MRS2: variants seen among roughly 807,000 people sequenced by gnomAD.
MRS2 encodes magnesium transporter MRS2 homolog, mitochondrial.
MRS2 carries 40 observed loss-of-function variants against 52.6 expected under a neutral mutation model. That is an observed-to-expected ratio of 0.76 (90% CI 0.59 to 0.99). MRS2 has a LOEUF of 0.99. Among genes scored for constraint, MRS2 ranks in the 50% least tolerant of loss-of-function variants. MRS2 has a pLI of 0.00. For missense variants in MRS2, 472 were observed against 532.7 expected, an observed-to-expected ratio of 0.89 and a Z score of 1.12; for synonymous variants, 193 against 195.9, an observed-to-expected ratio of 0.98 and a Z score of 0.13.
chr6:24,415,059 C>G lies in MRS2; in HGVS notation c.615C>G (p.Ser205Arg). The change falls in exon 6 of 11, where the codon AGC becomes AGG. Residue 205 changes from serine (S) to arginine (R), a missense_variant. Coordinates refer to ENST00000378386, the MANE Select transcript of MRS2 (RefSeq NM_020662.4). ...TCAACACCCTTCAGGGGAAACTTAG[C>G]ATTTTGCAGCCACTGATCCTTGAGA... Reference protein sequence around the residue: ...YWINTLQGKLSILQPLILETL... With the variant: ...YWINTLQGKLRILQPLILETL... 1 of 1,610,716 alleles carries G rather than the reference C, an allele frequency of 6.2e-7. No homozygotes were observed. The highest frequency in any genetic ancestry group is 8.5e-7 in the Non-Finnish European group (1 of 1,177,460).
chr6:24,422,113 GGACTCCATCCTGGGTGAAGAGCAA>G (rs1487692493), intron 9 of MRS2, among the ~76,000 whole-genome samples: 2 of 152,256 alleles, frequency 1.3e-5, no homozygotes, highest in African/African-American at 4.8e-5. Flanking sequence ...TTGAGCCACT[GGACTCCATCCTGGGTGAAGAGCAA>G]GACTCCATCT....
At chr6:24,414,693 C>T (rs1485315487) in intron 5 of MRS2, among the ~76,000 whole-genome samples, 2 of 152,166 alleles carry the variant, frequency 1.3e-5, no homozygotes, top group Non-Finnish European at 2.9e-5. Context: ...GGCGGCTGGG[C>T]AGAGGGGCTC....
chr6:24,423,190 C>G (rs1372802781), intron 10 of MRS2, 140 bp downstream of exon 10: 1 of 647,946 alleles, frequency 1.5e-6, no homozygotes, highest in African/African-American at 1.8e-5. Flanking sequence ...GTTTCCCTAT[C>G]TGTCAGTTAA....
chr6:24,408,757 CTT>C (rs1393896976), intron 3 of MRS2, among the ~76,000 whole-genome samples: 6 of 152,160 alleles, frequency 3.9e-5, no homozygotes, highest in African/African-American at 1.2e-4. Context: ...TTTTGTCTCT[CTT>C]GTTGGCGTCC....
At chr6:24,409,982 A>G (rs1226366276) in intron 4 of MRS2, among the ~76,000 whole-genome samples, 1 of 151,916 alleles carries the variant, frequency 6.6e-6, no homozygotes, top group African/African-American at 2.4e-5. Context: ...TAGACATTAA[A>G]TTTTATAGCC....
In MRS2 at chr6:24,425,311, C is replaced by G. The variant is rs1762196220; in HGVS notation, c.*1617C>G. 6.6e-6 allele frequency: 1 copy of G among 152,138 alleles called. No homozygotes were observed. Among genetic ancestry groups the G allele is most frequent in the Admixed American group, 6.6e-5 (1 of 15,258 alleles). The allele number at this position is 152,138 out of a possible 1,614,324, so 9.4% of individuals were successfully genotyped here. A position where few individuals can be genotyped will look rare whatever the true frequency, so the allele number is the denominator to read the frequency against. Reference sequence around the variant, plus strand: ...AACATTTGATTTGACTAAGATCAGGCATAAGATAGAATTTTTGTCATTTTT... The same window carrying G: ...AACATTTGATTTGACTAAGATCAGGGATAAGATAGAATTTTTGTCATTTTT... On this transcript the variant is annotated 3_prime_UTR_variant, in exon 11 of 11. Coordinates refer to ENST00000378386, the MANE Select transcript of MRS2 (RefSeq NM_020662.4).
chr6:24,422,328 TTC>T (rs910493773), intron 9 of MRS2, among the ~76,000 whole-genome samples: 15 of 152,118 alleles, frequency 9.9e-5, no homozygotes, highest in Admixed American at 9.8e-4. Context: ...TAAATTTAAA[TTC>T]TGTGATTCTG....
In MRS2 at chr6:24,416,460, GGAA is replaced by G. The variant is rs1235279147; in HGVS notation, c.786_788del (p.Glu263del). On this transcript the variant is annotated inframe_deletion, in exon 7 of 11. Transcript: ENST00000378386. ...AGTCAATTTTGGAGATCTTGGATGA[GGAA>G]GAGTTGCTAGAAGAGCTCTGTGTAT... 6.2e-7 allele frequency: 1 copy of G among 1,606,986 alleles called. No homozygotes were observed. Among genetic ancestry groups the G allele is most frequent in the African/African-American group, 1.3e-5 (1 of 74,700 alleles).
In MRS2 at chr6:24,416,455, G is replaced by C. The variant is rs1161214155; in HGVS notation, c.778G>C (p.Asp260His). Reference sequence around the variant, plus strand: ...CAAAGAGTCAATTTTGGAGATCTTGGATGAGGAAGAGTTGCTAGAAGAGCT... The same window carrying C: ...CAAAGAGTCAATTTTGGAGATCTTGCATGAGGAAGAGTTGCTAGAAGAGCT... ...IFKESILEIL[D>H]EEELLEELCV... Residue 260 changes from aspartate (D) to histidine (H), a missense_variant, in exon 7 of 11, where the codon GAT (aspartate) becomes CAT (histidine). Transcript: ENST00000378386. The C allele has an allele frequency of 1.2e-6, 2 of 1,606,752 alleles. No individual in the cohort carries two copies. The highest frequency in any genetic ancestry group is 1.7e-6 in the Non-Finnish European group (2 of 1,174,374).
chr6:24,404,622 T>G (rs1761400676), intron 1 of MRS2, among the ~76,000 whole-genome samples: 2 of 148,746 alleles, frequency 1.3e-5, no homozygotes, highest in African/African-American at 2.4e-5. Context: ...AAATAAAGAT[T>G]TGTCATTTCA....
intron 5 of MRS2, 149 bp downstream of exon 5, chr6:24,412,544 A>G: frequency 4.0e-6 from 2 of 497,050 alleles, no homozygotes; most frequent in Non-Finnish European, 7.0e-6. Flanking sequence ...CTACATGGAG[A>G]TATCACTTAA....
At position 24,418,523 on chromosome 6, in the gene MRS2, T is replaced by A; in HGVS notation, c.1052T>A (p.Leu351His). 1 of 1,614,076 alleles carries A rather than the reference T, an allele frequency of 6.2e-7. No homozygotes were observed. The highest frequency in any genetic ancestry group is 8.5e-7 in the Non-Finnish European group (1 of 1,179,956). Residue 351 changes from leucine (L) to histidine (H), a missense_variant, in exon 9 of 11, where the codon CTC becomes CAC. Coordinates refer to ENST00000378386, the MANE Select transcript of MRS2 (RefSeq NM_020662.4). The stretch of plus-strand genomic sequence containing the variant: ...ACCATGGGAACCTTCTCTCTTTCGC[T>A]CTTTGGACTAATGGGAGTTGCTTTT... ...QLTMGTFSLSLFGLMGVAFGM... is the reference protein window; with the variant it reads ...QLTMGTFSLSHFGLMGVAFGM...
chr6:24,416,584 AT>A, intron 7 of MRS2, 71 bp downstream of exon 7: 1 of 816,934 alleles, frequency 1.2e-6, no homozygotes, highest in South Asian at 1.5e-5. Flanking sequence ...CTTCAAGGTG[AT>A]TTTTCATACA....
At chr6:24,406,976 A>T (rs1010631292) in intron 2 of MRS2, among the ~76,000 whole-genome samples, 9 of 152,326 alleles carry the variant, frequency 5.9e-5, no homozygotes, top group Non-Finnish European at 7.4e-5. Flanking sequence ...GATTTAAAAA[A>T]TTTTTTTAAG....
chr6:24,422,361 T>C (rs1361258494), intron 9 of MRS2, among the ~76,000 whole-genome samples: 4 of 152,196 alleles, frequency 2.6e-5, no homozygotes, highest in African/African-American at 9.7e-5. Flanking sequence ...AAAAACAGTG[T>C]GCTGCAAAAT....
chr6:24,421,649 A>C (rs1220030586), intron 9 of MRS2, among the ~76,000 whole-genome samples: 1 of 132,760 alleles, frequency 7.5e-6, no homozygotes, highest in East Asian at 2.3e-4. Context: ...AAATTATTTG[A>C]GACTAAGAAC....
rs184955123 is a variant in MRS2, at chr6:24,420,875, T to A, written c.1108-2062T>A. Among the ~76,000 whole-genome samples, 26 of 152,278 alleles carry A rather than the reference T, an allele frequency of 1.7e-4. No individual in the cohort carries two copies. The East Asian group carries it at 3.7e-3, about 21-fold the overall frequency. ...GTCAGGTGGAAAATGAGGTCCCAGATGCAGATAAGTATGATCATGTCAGTG... is the reference window on the plus strand; with the variant it reads ...GTCAGGTGGAAAATGAGGTCCCAGAAGCAGATAAGTATGATCATGTCAGTG... On this transcript the variant is annotated intron_variant, in intron 9 of 10. Transcript: ENST00000378386.
At chr6:24,417,849 G>T (rs915552829) in intron 7 of MRS2, among the ~76,000 whole-genome samples, 1 of 152,082 alleles carries the variant, frequency 6.6e-6, no homozygotes, top group Admixed American at 6.6e-5. Context: ...GGCTGAAGCA[G>T]GAGAACAGCT....
At chr6:24,405,359 AT>A in intron 2 of MRS2, 118 bp downstream of exon 2, 1 of 726,300 alleles carries the variant, frequency 1.4e-6, no homozygotes, top group Admixed American at 2.4e-5. Context: ...TCATAGCTAC[AT>A]GTCGTGGCTG....
Sources: gnomAD v4.1 joint callset for allele counts (sites outside exome capture counted in the v4.1 genomes callset) on GRCh38, gnomAD v4.1.1 for gene constraint, MANE v1.5 for transcripts, NCBI Gene and HGNC (gene_info 2026-07-23, HGNC 2026-07-21) for gene names.